SLC44A3: variants seen among roughly 807,000 people sequenced by gnomAD.
SLC44A3 encodes the protein choline transporter-like protein 3.
In SLC44A3, 74 loss-of-function variants were observed where a neutral mutation model predicts 75.4. The observed-to-expected ratio is 0.98, with a 90% CI of 0.81 to 1.19. SLC44A3 has a LOEUF of 1.19. Ranked by LOEUF, SLC44A3 falls within the 50% of genes most tolerant of loss-of-function variation. The probability of loss-of-function intolerance (pLI) is 0.00; values close to 1 mark genes in which losing one functional copy is unlikely to be tolerated. For missense variants in SLC44A3, 700 were observed against 778.6 expected, an observed-to-expected ratio of 0.90 and a Z score of 1.20; for synonymous variants, 310 against 296.9, an observed-to-expected ratio of 1.04 and a Z score of -0.45.
intron 12 of SLC44A3, among the ~76,000 whole-genome samples, chr1:94,876,473 T>A (rs1668298978): frequency 6.6e-6 from 1 of 152,198 alleles, no homozygotes; most frequent in Non-Finnish European, 1.5e-5. Flanking sequence ...CGGCTGTCAT[T>A]CTTATTTGTC....
chr1:94,842,757 C>T (rs1218764948), intron 8 of SLC44A3, among the ~76,000 whole-genome samples: 1 of 152,224 alleles, frequency 6.6e-6, no homozygotes, highest in Non-Finnish European at 1.5e-5. Context: ...CCCCCAGAGT[C>T]GTCGTTGCTG....
chr1:94,891,944 T>TA (rs1305913951), intron 13 of SLC44A3, among the ~76,000 whole-genome samples: 5 of 152,180 alleles, frequency 3.3e-5, no homozygotes, highest in East Asian at 3.9e-4. Context: ...GGATGGTTTC[T>TA]AAAAAAAGTT....
At chr1:94,829,303 T>G (rs1365346346) in intron 5 of SLC44A3, among the ~76,000 whole-genome samples, 2 of 150,442 alleles carry the variant, frequency 1.3e-5, no homozygotes, top group Non-Finnish European at 3.0e-5. Context: ...GAAAATCGTT[T>G]ACTTTTGGCT....
At chr1:94,846,003 T>C (rs1664351218) in intron 9 of SLC44A3, among the ~76,000 whole-genome samples, 1 of 151,964 alleles carries the variant, frequency 6.6e-6, no homozygotes, top group Admixed American at 6.6e-5. Context: ...AAAAATTAGC[T>C]GGGCGTGGTG....
In SLC44A3 at chr1:94,827,648, G is replaced by C; in HGVS notation, c.415+5G>C. On this transcript the variant is annotated splice_donor_5th_base_variant and intron_variant, in intron 4 of 14. Transcript: ENST00000271227. ...AGTTCTTTGCAAACACCAGTGGTAGGCACTAAGGCCTGGTTTGTTCTTTTC... is the reference window on the plus strand; with the variant it reads ...AGTTCTTTGCAAACACCAGTGGTAGCCACTAAGGCCTGGTTTGTTCTTTTC... 6.2e-7 allele frequency: 1 copy of C among 1,614,106 alleles called. No homozygotes were observed.
rs190698817 is a variant in SLC44A3, at chr1:94,895,054, T to C, written c.*132T>C. 36 of 628,384 alleles carry C rather than the reference T, an allele frequency of 5.7e-5. No individual in the cohort carries two copies. In the East Asian group the frequency reaches 9.1e-4, roughly 16 times the overall value. The allele number at this position is 628,384 out of a possible 1,614,324, so 38.9% of individuals were successfully genotyped here. ...ACCTAATAAACCCTATTCTTCCTCA[T>C]TGTCTTTGTCATTATTGTTTGACCA... On this transcript the variant is annotated 3_prime_UTR_variant, in exon 15 of 15. Coordinates refer to ENST00000271227, the MANE Select transcript of SLC44A3 (RefSeq NM_001114106.3).
At chr1:94,825,832 G>A (rs768466478) in intron 3 of SLC44A3, 1 of 456,234 alleles carries the variant, frequency 2.2e-6, no homozygotes. Flanking sequence ...TGCACTCATA[G>A]AGCCACTTAC....
In SLC44A3 at chr1:94,893,667, G is replaced by A. The variant is rs532532806; in HGVS notation, c.1857+1150G>A. 5.9e-5 allele frequency among the ~76,000 whole-genome samples: 9 copies of A among 152,012 alleles called. No homozygotes were observed. The East Asian group carries it at 7.7e-4, about 13-fold the overall frequency. On this transcript the variant is annotated intron_variant, in intron 14 of 14. Transcript: ENST00000271227. The stretch of plus-strand genomic sequence containing the variant: ...GCTGGGATTACAGTTGTGAGCCACC[G>A]CACTCAGCCAAAATACAATTTTTAC...
chr1:94,869,527 G>A (rs1667533498), intron 12 of SLC44A3, among the ~76,000 whole-genome samples: 1 of 152,184 alleles, frequency 6.6e-6, no homozygotes, highest in East Asian at 1.9e-4. Flanking sequence ...GCTGATATGG[G>A]TGATGCTCAG....
chr1:94,835,962 C>G (rs1314812857), intron 5 of SLC44A3, among the ~76,000 whole-genome samples: 1 of 152,188 alleles, frequency 6.6e-6, no homozygotes, highest in Non-Finnish European at 1.5e-5. Flanking sequence ...TTACAAAAAA[C>G]ACCGTTTGTG....
chr1:94,831,193 C>T (rs369647315), intron 5 of SLC44A3, among the ~76,000 whole-genome samples: 1 of 152,084 alleles, frequency 6.6e-6, no homozygotes. Context: ...TCCTTTTCAC[C>T]CTAAATGCAA....
chr1:94,844,979 T>A (rs975738778), intron 8 of SLC44A3, among the ~76,000 whole-genome samples: 1 of 152,214 alleles, frequency 6.6e-6, no homozygotes, highest in Non-Finnish European at 1.5e-5. Context: ...AGACAGTTCC[T>A]TGACATTAGA....
chr1:94,879,212 T>A (rs4847364), intron 12 of SLC44A3, among the ~76,000 whole-genome samples: 134,603 of 150,544 alleles, frequency 0.89, 60,185 homozygotes, highest in East Asian at 0.98. Flanking sequence ...TAACAACAAC[T>A]ACAAAAAAAA....
intron 12 of SLC44A3, among the ~76,000 whole-genome samples, chr1:94,887,100 A>G (rs193160062): frequency 6.4e-4 from 97 of 152,186 alleles, no homozygotes; most frequent in Non-Finnish European, 1.1e-3. Context: ...TATTATGGCC[A>G]ATCATTTCCA....
At chr1:94,861,947 T>C (rs1351115709) in intron 10 of SLC44A3, among the ~76,000 whole-genome samples, 1 of 152,160 alleles carries the variant, frequency 6.6e-6, no homozygotes, top group African/African-American at 2.4e-5. Context: ...TTTTCAAATA[T>C]ACAAAAGAGG....
chr1:94,837,596 C>T, intron 5 of SLC44A3, 115 bp from the exon 6 acceptor site: 1 of 989,026 alleles, frequency 1.0e-6, no homozygotes, highest in Non-Finnish European at 1.4e-6. Flanking sequence ...ATGCTAGACG[C>T]CTCTCTATTA....
intron 9 of SLC44A3, chr1:94,855,428 T>G (rs1665760331): frequency 6.6e-6 from 1 of 152,226 alleles, no homozygotes; most frequent in South Asian, 2.1e-4. Context: ...AGAGTGGTTC[T>G]CAGAGTCCAC....
intron 12 of SLC44A3, among the ~76,000 whole-genome samples, chr1:94,880,686 C>G (rs1290554299): frequency 1.3e-5 from 2 of 152,004 alleles, no homozygotes; most frequent in Non-Finnish European, 2.9e-5. Context: ...TTTGAAGTAT[C>G]TAAAGTAGTC....
intron 11 of SLC44A3, among the ~76,000 whole-genome samples, chr1:94,867,125 C>T (rs780299941): frequency 3.3e-5 from 5 of 151,990 alleles, no homozygotes; most frequent in Non-Finnish European, 5.9e-5. Flanking sequence ...ACCCCTAACA[C>T]GTAAGTCCAC....
Sources: gnomAD v4.1 joint callset for allele counts (sites outside exome capture counted in the v4.1 genomes callset) on GRCh38, gnomAD v4.1.1 for gene constraint, MANE v1.5 for transcripts, NCBI Gene and HGNC (gene_info 2026-07-23, HGNC 2026-07-21) for gene names.